EEF2K: variants seen among roughly 807,000 people sequenced by gnomAD.
EEF2K encodes the protein eukaryotic elongation factor 2 kinase.
In EEF2K, 70 loss-of-function variants were observed where a neutral mutation model predicts 93.8. That is an observed-to-expected ratio of 0.75 (90% confidence interval 0.62 to 0.91). The LOEUF (loss-of-function observed/expected upper bound fraction) is 0.91, where lower values mean the gene tolerates loss of function less well. Ranked by LOEUF, EEF2K falls within the 40% of genes least tolerant of loss-of-function variation. The pLI, the probability that EEF2K is intolerant of heterozygous loss-of-function variation, is 0.00. For synonymous variants in EEF2K, 376 were observed against 380.8 expected (o/e 0.99, Z 0.15); for missense variants, 935 against 972.9 (o/e 0.96, Z 0.52).
chr16:22,262,383 G>T (rs1300985638), intron 11 of EEF2K, among the ~76,000 whole-genome samples: 1 of 152,074 alleles, frequency 6.6e-6, no homozygotes, highest in Non-Finnish European at 1.5e-5. Context: ...GGTGGCAGGC[G>T]CCTGTAGTCC....
At chr16:22,260,975 G>A (rs2047456657) in intron 11 of EEF2K, among the ~76,000 whole-genome samples, 1 of 152,202 alleles carries the variant, frequency 6.6e-6, no homozygotes, top group Non-Finnish European at 1.5e-5. Flanking sequence ...GCTTTGGGTT[G>A]ACTTGGTGGT....
rs1038855722 is a variant in EEF2K, at chr16:22,284,584, T to C, written c.*588T>C. 1.3e-5 allele frequency: 2 copies of C among 152,138 alleles called. No individual in the cohort carries two copies. Among genetic ancestry groups the C allele is most frequent in the African/African-American group, 4.8e-5 (2 of 41,402 alleles). 9.4% of individuals were successfully genotyped at this position (152,138 alleles called of 1,614,324 possible). ...GTGTGAGCCACCATGCCTGCCCATT[T>C]TGTGGTTCTATTTTCATTTTTATTT... is the stretch of plus-strand genomic sequence containing the variant. On this transcript the variant is annotated 3_prime_UTR_variant, in exon 18 of 18. Transcript: ENST00000263026.
intron 17 of EEF2K, among the ~76,000 whole-genome samples, 191 bp downstream of exon 17, chr16:22,280,567 T>A (rs1380011114): frequency 6.6e-6 from 1 of 151,848 alleles, no homozygotes; most frequent in Admixed American, 6.6e-5. Context: ...TTGTAGGGGG[T>A]TTTTGCAATT....
intron 2 of EEF2K, among the ~76,000 whole-genome samples, chr16:22,244,269 T>TTGTGTGTGTGTGTG (rs200282636): frequency 2.1e-5 from 3 of 140,058 alleles, no homozygotes; most frequent in South Asian, 2.3e-4. Context: ...TATATATGTA[T>TTGTGTGTGTGTGTG]TGTGTGTGTG....
chr16:22,242,733 G>A (rs1197656478), intron 2 of EEF2K, among the ~76,000 whole-genome samples: 1 of 152,102 alleles, frequency 6.6e-6, no homozygotes, highest in Admixed American at 6.6e-5. Flanking sequence ...AAACAGGGCT[G>A]TTCTGCACGA....
At chr16:22,210,973 G>A (rs1274235519) in intron 1 of EEF2K, among the ~76,000 whole-genome samples, 2 of 152,160 alleles carry the variant, frequency 1.3e-5, no homozygotes, top group African/African-American at 4.8e-5. Flanking sequence ...TATGGAAAAT[G>A]GGCTGCTGGA....
At chr16:22,266,900 C>T (rs1212925064) in intron 15 of EEF2K, 24 bp downstream of exon 15, 1 of 1,582,674 alleles carries the variant, frequency 6.3e-7, no homozygotes, top group East Asian at 2.3e-5. Context: ...GGGGACCCAG[C>T]TGCAGGTGGG....
intron 13 of EEF2K, 109 bp downstream of exon 13, chr16:22,264,989 A>G (rs960652933): frequency 2.2e-6 from 3 of 1,337,242 alleles, no homozygotes; most frequent in South Asian, 2.6e-5. Context: ...TGTCTTGCAC[A>G]TGTGCTAAAG....
rs79450430 is a variant in EEF2K, at chr16:22,273,674, G to A, written c.1813G>A (p.Ala605Thr). ...TKGFDYLLKAAEAGDRQSMIL... is the reference protein window; with the variant it reads ...TKGFDYLLKATEAGDRQSMIL... ...AGGATTTGATTACTTACTAAAGGCC[G>A]CTGAAGCTGGCGACAGGCAGTCCAT... Residue 605 changes from alanine to threonine, a missense_variant, in exon 16 of 18, where the codon GCT (alanine) becomes ACT (threonine). Coordinates refer to ENST00000263026, the MANE Select transcript of EEF2K (RefSeq NM_013302.5). 8.7e-6 allele frequency: 14 copies of A among 1,614,172 alleles called. 1 individual carries two copies. In the African/African-American group the frequency reaches 9.3e-5, roughly 11 times the overall value.
rs370301448 is a variant in EEF2K, at chr16:22,217,672, C to T, written c.-76-7982C>T. Among the ~76,000 whole-genome samples, 88 of 152,246 alleles carry T rather than the reference C, an allele frequency of 5.8e-4. No homozygotes were observed. The South Asian group carries it at 0.018, about 31-fold the overall frequency. ...TTCACCATGTTGGCCAGGCTGGTCT[C>T]GAACTCCCGACCTCAGGTGATCCAC... On this transcript the variant is annotated intron_variant, in intron 1 of 17. Transcript: ENST00000263026.
chr16:22,208,779 C>T (rs1435533699), intron 1 of EEF2K, among the ~76,000 whole-genome samples: 1 of 151,832 alleles, frequency 6.6e-6, no homozygotes, highest in Non-Finnish European at 1.5e-5. Flanking sequence ...AAACATTTTA[C>T]TGTATTATGT....
At chr16:22,224,608 G>C (rs2047044143) in intron 1 of EEF2K, among the ~76,000 whole-genome samples, 1 of 150,164 alleles carries the variant, frequency 6.7e-6, no homozygotes, top group African/African-American at 2.5e-5. Flanking sequence ...CTGTACTCCA[G>C]CCTGGATGAC....
At chr16:22,253,668 T>C (rs2047372779) in intron 6 of EEF2K, among the ~76,000 whole-genome samples, 2 of 152,236 alleles carry the variant, frequency 1.3e-5, no homozygotes, top group South Asian at 4.1e-4. Flanking sequence ...TCTAACTTTT[T>C]TTTTTTTTCC....
intron 7 of EEF2K, 95 bp downstream of exon 7, chr16:22,256,992 C>T (rs956423993): frequency 9.1e-6 from 14 of 1,546,660 alleles, no homozygotes; most frequent in Middle Eastern, 4.7e-4. Context: ...TCCCTGTGGG[C>T]TTGGAGTCTC....
At chr16:22,261,160 C>T (rs999283826) in intron 11 of EEF2K, among the ~76,000 whole-genome samples, 1 of 150,836 alleles carries the variant, frequency 6.6e-6, no homozygotes, top group Admixed American at 6.6e-5. Context: ...ATCACTTGAG[C>T]CCAAGAATTT....
At position 22,258,514 on chromosome 16, in the gene EEF2K, G is replaced by T. The variant is rs2047429821; in HGVS notation, c.1050G>T (p.Leu350Phe). 6.2e-7 allele frequency: 1 copy of T among 1,614,054 alleles called. No individual in the cohort carries two copies. Among genetic ancestry groups the T allele is most frequent in the Non-Finnish European group, 8.5e-7 (1 of 1,180,016 alleles). The change falls in exon 10 of 18, where the codon TTG becomes TTT. Residue 350 changes from leucine to phenylalanine, a missense_variant. By Grantham distance (22) the Leu-to-Phe change is conservative (BLOSUM62 0). Coordinates refer to ENST00000263026, the MANE Select transcript of EEF2K (RefSeq NM_013302.5). ...TKLLQSAKTI[L>F]RGTEEKCGSP... ...CCTAGCAATCAGCCAAGACCATCTTGAGAGGAACAGAGGAAAAATGTGGGA... is the reference window on the plus strand; with the variant it reads ...CCTAGCAATCAGCCAAGACCATCTTTAGAGGAACAGAGGAAAAATGTGGGA...
At chr16:22,254,055 G>A (rs765083416) in intron 6 of EEF2K, among the ~76,000 whole-genome samples, 6 of 152,008 alleles carry the variant, frequency 3.9e-5, no homozygotes, top group Non-Finnish European at 7.4e-5. Context: ...GCCGAGATTG[G>A]GCTACTGCAC....
At chr16:22,214,022 GAC>G (rs2046938013) in intron 1 of EEF2K, among the ~76,000 whole-genome samples, 2 of 152,358 alleles carry the variant, frequency 1.3e-5, no homozygotes, top group South Asian at 4.1e-4. Context: ...GCCTGCCGCA[GAC>G]AGTCTGGCCT....
chr16:22,244,269 T>TTTTGTG (rs1192995219), intron 2 of EEF2K, among the ~76,000 whole-genome samples: 8 of 140,138 alleles, frequency 5.7e-5, no homozygotes, highest in Middle Eastern at 3.6e-3. Flanking sequence ...TATATATGTA[T>TTTTGTG]TGTGTGTGTG....
Sources: allele counts gnomAD v4.1 joint callset (sites outside exome capture counted in the v4.1 genomes callset), GRCh38; gene constraint gnomAD v4.1.1; transcripts MANE v1.5; gene names NCBI Gene and HGNC (gene_info 2026-07-23, HGNC 2026-07-21).